The following TSNARE1 variants were observed in gnomAD, a reference collection of about 807,000 sequenced individuals.
TSNARE1 encodes the protein t-SNARE domain-containing protein 1.
TSNARE1 carries 49 observed loss-of-function variants against 62.0 expected under a neutral mutation model. The observed-to-expected ratio is 0.79, with a 90% CI of 0.63 to 1.00. The LOEUF (loss-of-function observed/expected upper bound fraction) is 1.00, where lower values mean the gene tolerates loss of function less well. Among genes scored for constraint, TSNARE1 ranks in the 50% least tolerant of loss-of-function variants. The pLI, the probability that TSNARE1 is intolerant of heterozygous loss-of-function variation, is 0.00. For missense variants in TSNARE1, 755 were observed against 700.1 expected (o/e 1.08, Z -0.88); for synonymous variants, 328 against 294.4 (o/e 1.11, Z -1.17).
rs146155559 is a variant in TSNARE1 at position 142,291,223 on chromosome 8, A to C, written c.1291-6738T>G. 6.6e-6 allele frequency among the ~76,000 whole-genome samples: 1 copy of C among 151,856 alleles called. No individual in the cohort carries two copies. The highest frequency in any genetic ancestry group is 2.4e-5 in the African/African-American group (1 of 41,414). ...AAATCCCACCACCCTCATCTCAGAA[A>C]GGCCAAGCAAAAGTCGGCTCTCCAG... On this transcript the variant is annotated intron_variant, in intron 10 of 13. Coordinates refer to ENST00000524325, the MANE Select transcript of TSNARE1 (RefSeq NM_145003.5). This position sits in a 1 kb window ranked among gnomAD's most constrained non-coding sequence, Gnocchi z 4.8.
rs138764360 is a variant in TSNARE1, at chr8:142,302,637, G to A, written c.1132-1993C>T. ...GTCTGGGAAAGGCCCCGCAAAGCAC[G>A]GGGTCCCAGCCAGCTTTGCGCCTCT... On this transcript the variant is annotated intron_variant, in intron 9 of 13. Coordinates refer to ENST00000524325, the MANE Select transcript of TSNARE1 (RefSeq NM_145003.5). 3.0e-3 allele frequency among the ~76,000 whole-genome samples: 462 copies of A among 152,280 alleles called. 3 individuals carry two copies. Among genetic ancestry groups the A allele is most frequent in the African/African-American group, 1.0e-2 (415 of 41,560 alleles).
At chr8:142,300,838 C>T (rs991411508) in intron 9 of TSNARE1, among the ~76,000 whole-genome samples, 194 bp from the exon 10 acceptor site, 4 of 152,154 alleles carry the variant, frequency 2.6e-5, no homozygotes, top group Admixed American at 6.5e-5. Flanking sequence ...GCCTCCCAGG[C>T]GCCGGTCACC....
rs532585415 is a variant in TSNARE1, at chr8:142,337,240, A to C, written c.746-5409T>G. Reference sequence around the variant, plus strand: ...TAATACTGAGATGATAAAATTATTCAGATCAAGATTAATTGATCTTGATCT... The same window carrying C: ...TAATACTGAGATGATAAAATTATTCCGATCAAGATTAATTGATCTTGATCT... On this transcript the variant is annotated intron_variant, in intron 4 of 13. Coordinates refer to ENST00000524325, the MANE Select transcript of TSNARE1 (RefSeq NM_145003.5). Among the ~76,000 whole-genome samples, 84 of 152,382 alleles carry C rather than the reference A, an allele frequency of 5.5e-4. 1 individual carries two copies. The highest frequency in any genetic ancestry group is 1.2e-3 in the South Asian group (6 of 4,832).
Position 142,344,319 on chromosome 8 carries a change from T to C in TSNARE1, c.392A>G (p.Gln131Arg), listed in dbSNP as rs1264939280. Residue 131 changes from glutamine (Q) to arginine (R), a missense_variant, in exon 4 of 14, where the codon CAG (glutamine) becomes CGG (arginine). Transcript: ENST00000524325. Reference protein sequence around the residue: ...AKKRKPNFCPQETEVLVSKVS... With the variant: ...AKKRKPNFCPRETEVLVSKVS... ...CTTGGACACCAGCACCTCGGTCTCC[T>C]GCGGGCAGAAGTTGGGCTTCCTCTT... The C allele has an allele frequency of 6.3e-7, 1 of 1,589,720 alleles. No homozygotes were observed. The highest frequency in any genetic ancestry group is 1.7e-5 in the Admixed American group (1 of 57,956).
intron 4 of TSNARE1, 149 bp downstream of exon 4, chr8:142,343,816 GA>G (rs1263248975): frequency 4.0e-4 from 179 of 443,494 alleles, no homozygotes; most frequent in African/African-American, 1.2e-3. Flanking sequence ...AGGAGGAGGG[GA>G]GAGGAGGAGG....
At chr8:142,334,287 G>A (rs1378509144) in intron 4 of TSNARE1, among the ~76,000 whole-genome samples, 1 of 152,222 alleles carries the variant, frequency 6.6e-6, no homozygotes, top group Admixed American at 6.5e-5. Context: ...TCTGGTTCGG[G>A]AGGCTGCCCA....
rs542719356 is a variant in TSNARE1 at position 142,214,361 on chromosome 8, C to T, written c.*12-2048G>A. 2.0e-5 allele frequency among the ~76,000 whole-genome samples: 3 copies of T among 152,320 alleles called. No homozygotes were observed. In the South Asian group the frequency reaches 6.2e-4, roughly 32 times the overall value. Reference sequence around the variant, plus strand: ...CACATCCAGAATCCCCTTGGGGCTGCCCCACCCCTGCCACCTCCTCTCCCC... The same window carrying T: ...CACATCCAGAATCCCCTTGGGGCTGTCCCACCCCTGCCACCTCCTCTCCCC... On this transcript the variant is annotated intron_variant, in intron 13 of 13. Transcript: ENST00000524325.
chr8:142,228,057 A>G (rs56940075), intron 13 of TSNARE1, among the ~76,000 whole-genome samples: 9,822 of 152,242 alleles, frequency 0.065, 1,083 homozygotes, highest in African/African-American at 0.23. Context: ...ACCAGCAACC[A>G]GCACCAGTGT....
intron 13 of TSNARE1, among the ~76,000 whole-genome samples, chr8:142,227,711 G>C (rs1316794005): frequency 2.6e-5 from 4 of 152,264 alleles, no homozygotes; most frequent in African/African-American, 9.6e-5. Flanking sequence ...GGAGACCCCA[G>C]GGATGCGAAA....
intron 2 of TSNARE1, among the ~76,000 whole-genome samples, chr8:142,350,772 CA>C (rs1833993260): frequency 6.6e-6 from 1 of 152,182 alleles, no homozygotes. Context: ...AACCAGTACA[CA>C]AAAATCAATT....
At chr8:142,214,814 A>G (rs7841818) in intron 13 of TSNARE1, among the ~76,000 whole-genome samples, 141,249 of 152,194 alleles carry the variant, frequency 0.93, 65,654 homozygotes, top group African/African-American at 0.98. Flanking sequence ...AGGAGAGGTC[A>G]CCCTCAGCAG....
intron 12 of TSNARE1, among the ~76,000 whole-genome samples, chr8:142,230,128 C>T (rs894268185): frequency 6.6e-6 from 1 of 152,140 alleles, no homozygotes; most frequent in African/African-American, 2.4e-5. Flanking sequence ...AAGAGAAAGA[C>T]ATTGATCTGT....
chr8:142,354,732 C>T lies in TSNARE1; in HGVS notation c.-8G>A, dbSNP rs755849601. On this transcript the variant is annotated 5_prime_UTR_variant, in exon 2 of 14. Coordinates refer to ENST00000524325, the MANE Select transcript of TSNARE1 (RefSeq NM_145003.5). ...GATGGATCCGTATGACATCTTCTTA[C>T]AGATGGCAGGGCCAGCAGCCTCCAC... 44 of 1,611,958 alleles carry T rather than the reference C, an allele frequency of 2.7e-5. No homozygotes were observed. The highest frequency in any genetic ancestry group is 3.6e-5 in the Non-Finnish European group (42 of 1,178,550).
chr8:142,271,436 G>A (rs895856489), intron 12 of TSNARE1: 27 of 1,255,286 alleles, frequency 2.2e-5, no homozygotes, highest in East Asian at 9.5e-5. Context: ...AAATGCGGAC[G>A]TTTCAGATGC....
At chr8:142,357,957 G>T (rs1378243488) in intron 1 of TSNARE1, among the ~76,000 whole-genome samples, 1 of 151,830 alleles carries the variant, frequency 6.6e-6, no homozygotes. Flanking sequence ...AGGGCGGCGG[G>T]GTCTGCTGGG....
chr8:142,288,554 A>C (rs1223694250), intron 10 of TSNARE1, among the ~76,000 whole-genome samples: 1 of 152,230 alleles, frequency 6.6e-6, no homozygotes, highest in Non-Finnish European at 1.5e-5. Flanking sequence ...CCTGGGCAGA[A>C]GGGTTTTGTA....
chr8:142,256,611 TCACCACCAC>T (rs1188048549), intron 12 of TSNARE1, among the ~76,000 whole-genome samples: 8 of 140,158 alleles, frequency 5.7e-5, no homozygotes, highest in Non-Finnish European at 1.1e-4. Flanking sequence ...ATCACCATCA[TCACCACCAC>T]CACCACCACC....
chr8:142,383,024 G>T (rs577521749), intron 1 of TSNARE1, among the ~76,000 whole-genome samples: 2 of 152,246 alleles, frequency 1.3e-5, no homozygotes, highest in African/African-American at 4.8e-5. Context: ...CTCAAGAGAA[G>T]GTGGGGACCC....
chr8:142,267,167 C>A (rs1819175984), intron 12 of TSNARE1, among the ~76,000 whole-genome samples: 1 of 152,162 alleles, frequency 6.6e-6, no homozygotes, highest in South Asian at 2.1e-4. Context: ...GTTGGATATT[C>A]CTCCTGGTTT....
Sources: allele counts gnomAD v4.1 joint callset (sites outside exome capture counted in the v4.1 genomes callset), GRCh38; gene constraint gnomAD v4.1.1; non-coding constraint Gnocchi (gnomAD v3.1); transcripts MANE v1.5; gene names NCBI Gene and HGNC (gene_info 2026-07-23, HGNC 2026-07-21).